The following PAPPA2 variants were observed in gnomAD, a reference collection of about 807,000 sequenced individuals.
The protein encoded by PAPPA2 is pappalysin-2.
Under a neutral mutation model 176.4 loss-of-function variants are expected in PAPPA2, and 86 were observed. The ratio of observed to expected loss-of-function variants is 0.49; its 90% confidence interval spans 0.41 to 0.58. The LOEUF (loss-of-function observed/expected upper bound fraction) is 0.58. PAPPA2 is among the 20% of genes least tolerant of loss of function. The pLI is 0.00. For missense variants in PAPPA2, 2,073 were observed against 2,256.9 expected, an observed-to-expected ratio of 0.92 and a Z score of 1.65; for synonymous variants, 809 against 852.2, an observed-to-expected ratio of 0.95 and a Z score of 0.88.
chr1:176,666,975 G>A (rs1460177432), intron 3 of PAPPA2, among the ~76,000 whole-genome samples: 3 of 152,190 alleles, frequency 2.0e-5, no homozygotes, highest in South Asian at 2.1e-4. Context: ...GCCGGGTACC[G>A]TGGCTCACGC....
At chr1:176,637,602 T>G (rs1656783982) in intron 3 of PAPPA2, among the ~76,000 whole-genome samples, 1 of 152,158 alleles carries the variant, frequency 6.6e-6, no homozygotes, top group Admixed American at 6.6e-5. Context: ...AGTGGGCCTA[T>G]AATCCTCAAA....
chr1:176,828,559 T>G (rs1666947558), intron 21 of PAPPA2, among the ~76,000 whole-genome samples: 1 of 151,744 alleles, frequency 6.6e-6, no homozygotes, highest in African/African-American at 2.4e-5. Context: ...TATATATGTA[T>G]CATATATATT....
intron 1 of PAPPA2, among the ~76,000 whole-genome samples, chr1:176,515,604 G>A (rs1648864551): frequency 6.6e-6 from 1 of 152,150 alleles, no homozygotes; most frequent in Non-Finnish European, 1.5e-5. Context: ...TCAATCCGGT[G>A]CTTTCTGTTT....
At chr1:176,691,088 G>T in intron 5 of PAPPA2, 1 of 985,296 alleles carries the variant, frequency 1.0e-6, no homozygotes, top group Non-Finnish European at 1.2e-6. Context: ...TTCAGCTTCT[G>T]TATTATTCTT....
chr1:176,615,471 C>A (rs577241894), intron 3 of PAPPA2, among the ~76,000 whole-genome samples: 1 of 152,044 alleles, frequency 6.6e-6, no homozygotes, highest in African/African-American at 2.4e-5. Flanking sequence ...CCACCATGCC[C>A]GGCTAATTTT....
chr1:176,807,502 T>C (rs1665956174), intron 21 of PAPPA2, among the ~76,000 whole-genome samples: 1 of 151,392 alleles, frequency 6.6e-6, no homozygotes, highest in African/African-American at 2.4e-5. Flanking sequence ...TCTTTCTTTT[T>C]TTTTTTTTTT....
At chr1:176,528,956 C>G (rs975598706) in intron 1 of PAPPA2, among the ~76,000 whole-genome samples, 5 of 152,176 alleles carry the variant, frequency 3.3e-5, no homozygotes, top group African/African-American at 1.2e-4. Flanking sequence ...GTTAAAAGCA[C>G]CTTGCATCCA....
At chr1:176,755,232 AG>A (rs1251768121) in intron 14 of PAPPA2, among the ~76,000 whole-genome samples, 1 of 152,162 alleles carries the variant, frequency 6.6e-6, no homozygotes, top group African/African-American at 2.4e-5. Flanking sequence ...AAGGAGAAGT[AG>A]GGAGAGGTAG....
chr1:176,711,596 A>C (rs1029774594), intron 11 of PAPPA2, among the ~76,000 whole-genome samples: 1 of 152,188 alleles, frequency 6.6e-6, no homozygotes, highest in Non-Finnish European at 1.5e-5. Flanking sequence ...CCAGTGTGTA[A>C]GACCCCTGGG....
chr1:176,623,772 T>TTTC, intron 3 of PAPPA2, among the ~76,000 whole-genome samples: 1 of 113,948 alleles, frequency 8.8e-6, no homozygotes, highest in African/African-American at 3.4e-5. Flanking sequence ...TCTTTCTTTC[T>TTTC]TTCTTTCTTT....
At chr1:176,564,826 A>C (rs1651870616) in intron 2 of PAPPA2, among the ~76,000 whole-genome samples, 1 of 149,198 alleles carries the variant, frequency 6.7e-6, no homozygotes, top group South Asian at 2.1e-4. Flanking sequence ...TTACAGACTT[A>C]TCTCAACCTA....
intron 3 of PAPPA2, chr1:176,616,190 C>T (rs1655248668): frequency 2.7e-6 from 1 of 369,798 alleles, no homozygotes; most frequent in Admixed American, 3.1e-5. Context: ...ACTCGCTAAG[C>T]CAACATGTTG....
chr1:176,688,182 GT>G (rs1659937962), intron 4 of PAPPA2, among the ~76,000 whole-genome samples: 1 of 152,218 alleles, frequency 6.6e-6, no homozygotes. Context: ...AAAGGAAAGA[GT>G]AGACAGAAAA....
intron 3 of PAPPA2, among the ~76,000 whole-genome samples, chr1:176,603,572 A>G (rs899854632): frequency 6.6e-6 from 1 of 152,164 alleles, no homozygotes; most frequent in African/African-American, 2.4e-5. Flanking sequence ...AGCGCTGTCC[A>G]ATGGTTGTGG....
At chr1:176,794,865 A>C (rs1239844796) in intron 20 of PAPPA2, among the ~76,000 whole-genome samples, 1 of 152,142 alleles carries the variant, frequency 6.6e-6, no homozygotes, top group Non-Finnish European at 1.5e-5. Context: ...TTCCTCCTTC[A>C]CCTGTTACGC....
At chr1:176,663,688 A>G (rs1460786136) in intron 3 of PAPPA2, among the ~76,000 whole-genome samples, 5 of 152,018 alleles carry the variant, frequency 3.3e-5, no homozygotes, top group African/African-American at 1.2e-4. Flanking sequence ...GCTGAGATAC[A>G]TTGATGGTAG....
Position 176,800,098 on chromosome 1 carries a change from AC to A in PAPPA2, c.5172del (p.Val1725SerfsTer2). The A allele has an allele frequency of 1.2e-6, 2 of 1,613,854 alleles. No homozygotes were observed. The highest frequency in any genetic ancestry group is 1.7e-6 in the Non-Finnish European group (2 of 1,179,912). The part of the protein sequence containing the change: ...VCTGRRQWHP[D>X]PVLVHCIQSC... ...ACTGGCCGGCGTCAATGGCACCCAG[AC>A]CCCGTCTTAGTCCACTGCATCCAGT... On this transcript the variant is annotated frameshift_variant, in exon 21 of 23. Coordinates refer to ENST00000367662, the MANE Select transcript of PAPPA2 (RefSeq NM_020318.3). LOFTEE classifies it high-confidence loss of function.
chr1:176,759,483 A>T (rs571017307), intron 14 of PAPPA2, among the ~76,000 whole-genome samples: 2 of 152,152 alleles, frequency 1.3e-5, no homozygotes, highest in African/African-American at 2.4e-5. Flanking sequence ...ACTCTTACAT[A>T]GGAAAAAAAA....
intron 2 of PAPPA2, among the ~76,000 whole-genome samples, chr1:176,573,253 G>T: frequency 6.6e-6 from 1 of 152,206 alleles, no homozygotes; most frequent in East Asian, 1.9e-4. Context: ...AGATCCTGTT[G>T]TGCTACTGGA....
Sources: gnomAD v4.1 joint callset for allele counts (sites outside exome capture counted in the v4.1 genomes callset) on GRCh38, gnomAD v4.1.1 for gene constraint, MANE v1.5 for transcripts, NCBI Gene and HGNC (gene_info 2026-07-23, HGNC 2026-07-21) for gene names.